CHAF1A: variants seen among roughly 807,000 people sequenced by gnomAD.
CHAF1A encodes the protein chromatin assembly factor 1 subunit A.
A neutral mutation model predicts 93.2 loss-of-function variants in CHAF1A; 5 were observed. That is an observed-to-expected ratio of 0.05 (90% confidence interval 0.03 to 0.11). The LOEUF (loss-of-function observed/expected upper bound fraction) is 0.11. Ranked by LOEUF, CHAF1A falls within the 10% of genes least tolerant of loss-of-function variation. The pLI, the probability that CHAF1A is intolerant of heterozygous loss-of-function variation, is 1.00. For missense variants in CHAF1A, 1,102 were observed against 1,259.9 expected (o/e 0.87, Z 1.90); for synonymous variants, 504 against 510.3 (o/e 0.99, Z 0.17).
downstream of CHAF1A, chr19:4,446,401 C>T (rs1379879808): frequency 1.9e-6 from 3 of 1,578,882 alleles, no homozygotes; most frequent in Admixed American, 3.6e-5. Flanking sequence ...TCAGCCGCTC[C>T]ACCGCCTCGG....
At chr19:4,441,712 C>T (rs1050700659) in intron 13 of CHAF1A, among the ~76,000 whole-genome samples, 3 of 151,524 alleles carry the variant, frequency 2.0e-5, no homozygotes, top group East Asian at 2.0e-4. Context: ...CAAGACCATC[C>T]GGATAACACG....
rs777538489 is a variant in CHAF1A, at chr19:4,442,967, G to A, written c.2813G>A (p.Gly938Asp). The A allele has an allele frequency of 6.2e-7, 1 of 1,605,056 alleles. No homozygotes were observed. The highest frequency in any genetic ancestry group is 8.5e-7 in the Non-Finnish European group (1 of 1,176,594). ...PCGAASGAGG[G>D]VGVDTGKATL... ...GGAGCCGCTTCCGGAGCTGGGGGTG[G>A]TGTGGGGGTGGACACCGGCAAGGCC... The change falls in exon 15 of 15, where the codon GGT (glycine) becomes GAT (aspartate). Residue 938 changes from glycine to aspartate, a missense_variant. Gly to Asp is a moderately conservative substitution (Grantham distance 94). Around this residue, in one of 6 missense-constraint regions of CHAF1A, gnomAD observed 119 missense variants for 102.2 expected, o/e 1.16. Transcript: ENST00000301280.
rs199958378 is a variant in CHAF1A at position 4,442,198 on chromosome 19, G to A, written c.2674-47G>A. 3.7e-5 allele frequency: 55 copies of A among 1,501,456 alleles called. No individual in the cohort carries two copies. In the East Asian group the frequency reaches 1.2e-3, roughly 34 times the overall value. The allele number at this position is 1,501,456 out of a possible 1,614,324, so 93.0% of individuals were successfully genotyped here. A position where few individuals can be genotyped will look rare whatever the true frequency, so the allele number is the denominator to read the frequency against. The stretch of plus-strand genomic sequence containing the variant: ...CCCCCGCTACCGCACTGGCACCAGG[G>A]TGGCTGCTGCCTGCAGTGCTGATGG... On this transcript the variant is annotated intron_variant, in intron 13 of 14. Transcript: ENST00000301280.
rs1974194627 is a variant in CHAF1A, at chr19:4,432,118, A to T, written c.2114A>T (p.Gln705Leu). 2 of 1,613,792 alleles carry T rather than the reference A, an allele frequency of 1.2e-6. No individual in the cohort carries two copies. Among genetic ancestry groups the T allele is most frequent in the Non-Finnish European group, 1.7e-6 (2 of 1,179,962 alleles). ...DCAGDDLKVLQQFAACFLETL... is the reference protein window; with the variant it reads ...DCAGDDLKVLLQFAACFLETL... ...GCAGGCGATGACCTGAAGGTACTGC[A>T]GCAGTTCGCAGCCTGCTTCCTGGAG... is the stretch of plus-strand genomic sequence containing the variant. The change falls in exon 12 of 15, where the codon CAG becomes CTG. Residue 705 changes from glutamine to leucine, a missense_variant. Gln to Leu is a moderately radical substitution (Grantham distance 113). Around this residue, in one of 6 missense-constraint regions of CHAF1A, gnomAD observed 335 missense variants for 361.9 expected, o/e 0.93. Coordinates refer to ENST00000301280, the MANE Select transcript of CHAF1A (RefSeq NM_005483.3).
chr19:4,409,242 A>ATGG lies in CHAF1A; in HGVS notation c.444_446dup (p.Gly149dup). 1.9e-6 allele frequency: 3 copies of ATGG among 1,614,174 alleles called. No homozygotes were observed. The highest frequency in any genetic ancestry group is 2.5e-6 in the Non-Finnish European group (3 of 1,180,024). Reference sequence around the variant, plus strand: ...GCCTCTCCCTCCAGGGAGGCAATAAATGGCCAGCGAGAAGACACTGGGGAT... The same window carrying ATGG: ...GCCTCTCCCTCCAGGGAGGCAATAAATGGTGGCCAGCGAGAAGACACTGGGGAT... On this transcript the variant is annotated inframe_insertion, in exon 3 of 15. Coordinates refer to ENST00000301280, the MANE Select transcript of CHAF1A (RefSeq NM_005483.3).
At chr19:4,416,826 G>A (rs985356376) in intron 3 of CHAF1A, among the ~76,000 whole-genome samples, 1 of 152,124 alleles carries the variant, frequency 6.6e-6, no homozygotes, top group African/African-American at 2.4e-5. Flanking sequence ...GGGAGGTAGA[G>A]GTTGCAGTGA....
intron 7 of CHAF1A, among the ~76,000 whole-genome samples, chr19:4,426,518 A>G (rs940889316): frequency 6.6e-6 from 1 of 150,770 alleles, no homozygotes; most frequent in Non-Finnish European, 1.5e-5. Flanking sequence ...CTCATTGCCC[A>G]GGCTGGAGTG....
At position 4,423,348 on chromosome 19, in the gene CHAF1A, G is replaced by C. The variant is rs755093486; in HGVS notation, c.1261G>C (p.Glu421Gln). 3.7e-6 allele frequency: 6 copies of C among 1,613,800 alleles called. No homozygotes were observed. Among genetic ancestry groups the C allele is most frequent in the Non-Finnish European group, 5.1e-6 (6 of 1,179,868 alleles). ...GCTGTCTCACAGGGCTAAACTTGAG[G>C]AAAAAAGGAAAAAGGAAGAAGAGAA... ...RQEALEAKLE[E>Q]KRKKEEEKRL... Residue 421 changes from glutamate to glutamine, a missense_variant, in exon 6 of 15, where the codon GAA (glutamate) becomes CAA (glutamine). Glu to Gln is a conservative substitution (Grantham distance 29). Transcript: ENST00000301280.
chr19:4,407,595 T>C (rs2145064172), intron 2 of CHAF1A, among the ~76,000 whole-genome samples: 1 of 152,278 alleles, frequency 6.6e-6, no homozygotes, highest in Middle Eastern at 3.4e-3. Flanking sequence ...TAAACAAATG[T>C]CTCTTGAAAT....
intron 13 of CHAF1A, among the ~76,000 whole-genome samples, chr19:4,437,070 G>A (rs1464954459): frequency 6.6e-6 from 1 of 152,212 alleles, no homozygotes. Flanking sequence ...GGCCACATGC[G>A]CGTGATTGGT....
downstream of CHAF1A, among the ~76,000 whole-genome samples, chr19:4,444,155 T>C (rs916983155): frequency 1.3e-5 from 2 of 151,900 alleles, no homozygotes; most frequent in African/African-American, 2.4e-5. Context: ...AGGACTGGAG[T>C]GACAGCCTCC....
chr19:4,446,259 TCCACGGGCATCGTTGGTGC>T (rs1974515575), downstream of CHAF1A: 1 of 1,567,982 alleles, frequency 6.4e-7, no homozygotes, highest in Non-Finnish European at 8.6e-7. Flanking sequence ...CGAGCCGCCC[TCCACGGGCATCGTTGGTGC>T]CCACCCTGCA....
intron 7 of CHAF1A, among the ~76,000 whole-genome samples, chr19:4,424,399 ACTTAG>A (rs1246633948): frequency 3.3e-5 from 5 of 152,172 alleles, no homozygotes; most frequent in Admixed American, 6.5e-5. Context: ...ACACATGTGT[ACTTAG>A]CTATCTCAGA....
downstream of CHAF1A, chr19:4,448,210 A>T (rs1240291036): frequency 3.8e-6 from 4 of 1,041,070 alleles, no homozygotes; most frequent in African/African-American, 3.1e-5. Context: ...CTCCTTCCCA[A>T]CCCACCTCAG....
chr19:4,418,556 C>T, intron 4 of CHAF1A, among the ~76,000 whole-genome samples: 1 of 151,876 alleles, frequency 6.6e-6, no homozygotes, highest in South Asian at 2.1e-4. Flanking sequence ...GTTGGGACTA[C>T]AGGCATCCAC....
chr19:4,437,303 A>C (rs2145144772), intron 13 of CHAF1A, among the ~76,000 whole-genome samples: 1 of 152,154 alleles, frequency 6.6e-6, no homozygotes, highest in East Asian at 1.9e-4. Flanking sequence ...GTGGGACCCA[A>C]AGGTGGGGCT....
chr19:4,409,294 G>T lies in CHAF1A; in HGVS notation c.495G>T (p.Gln165His), dbSNP rs1441889515. The T allele has an allele frequency of 6.2e-7, 1 of 1,614,134 alleles. No homozygotes were observed. ...AGCAGGGGTTGTTGAAGGCCATTCA[G>T]AACGACAAGTTGGCATTTCCTGGAG... is the stretch of plus-strand genomic sequence containing the variant. Reference protein sequence around the residue: ...GDQQGLLKAIQNDKLAFPGET... With the variant: ...GDQQGLLKAIHNDKLAFPGET... Residue 165 changes from glutamine to histidine, a missense_variant, in exon 3 of 15, where the codon CAG becomes CAT. Around this residue, in one of 6 missense-constraint regions of CHAF1A, gnomAD observed 379 missense variants for 365.7 expected, o/e 1.04. Transcript: ENST00000301280.
At chr19:4,441,847 G>A (rs985563658) in intron 13 of CHAF1A, among the ~76,000 whole-genome samples, 11 of 152,016 alleles carry the variant, frequency 7.2e-5, no homozygotes, top group African/African-American at 2.4e-4. Flanking sequence ...GCAGTGAGTC[G>A]AGATCGCGCC....
intron 13 of CHAF1A, among the ~76,000 whole-genome samples, chr19:4,435,440 A>T (rs1287487002): frequency 1.0e-4 from 15 of 150,630 alleles, no homozygotes. Context: ...TGGCGTGATC[A>T]CCACTCACTG....
Sources: allele counts gnomAD v4.1 joint callset (sites outside exome capture counted in the v4.1 genomes callset), GRCh38; gene constraint gnomAD v4.1.1; regional missense constraint gnomAD v4.1.1; transcripts MANE v1.5; gene names NCBI Gene and HGNC (gene_info 2026-07-23, HGNC 2026-07-21).